The following GTF2A1 variants were observed in gnomAD, a reference collection of about 807,000 sequenced individuals.
The protein encoded by GTF2A1 is general transcription factor IIA subunit 1, also known as transcription initiation factor IIA subunit 1.
A neutral mutation model predicts 54.1 loss-of-function variants in GTF2A1; 12 were observed. That is an observed-to-expected ratio of 0.22 (90% CI 0.14 to 0.36). The LOEUF (loss-of-function observed/expected upper bound fraction) is 0.36, where lower values mean the gene tolerates loss of function less well. Among genes scored for constraint, GTF2A1 ranks in the 10% least tolerant of loss-of-function variants. GTF2A1 has a pLI of 1.00. For synonymous variants in GTF2A1, 145 were observed against 152.0 expected, an observed-to-expected ratio of 0.95 and a Z score of 0.34; for missense variants, 335 against 442.2, an observed-to-expected ratio of 0.76 and a Z score of 2.17.
chr14:81,180,313 GT>G lies in GTF2A1; in HGVS notation c.1040del (p.Asn347ThrfsTer12). ...CATCCTTGAGATGAAATTTCCATTT[GT>G]TTTTACTTCTGTGTATCTAAACAAA... ...CQYDKIHRSK[N>X]KWKFHLKDGI... On this transcript the variant is annotated frameshift_variant, in exon 9 of 9. Coordinates refer to ENST00000553612, the MANE Select transcript of GTF2A1 (RefSeq NM_015859.4). LOFTEE classifies it high-confidence loss of function. 2 of 1,394,972 alleles carry G rather than the reference GT, an allele frequency of 1.4e-6. No individual in the cohort carries two copies. Among genetic ancestry groups the G allele is most frequent in the Non-Finnish European group, 2.0e-6 (2 of 988,608 alleles). The allele number at this position is 1,394,972 out of a possible 1,614,324, so 86.4% of individuals were successfully genotyped here.
intron 3 of GTF2A1, 38 bp from the exon 4 acceptor site, chr14:81,201,696 T>G: frequency 7.1e-7 from 1 of 1,409,714 alleles, no homozygotes; most frequent in Non-Finnish European, 1.0e-6. Flanking sequence ...CAAGGAACCA[T>G]GAGGCTATTT....
At chr14:81,210,708 C>A (rs990494719) in intron 2 of GTF2A1, among the ~76,000 whole-genome samples, 1 of 152,086 alleles carries the variant, frequency 6.6e-6, no homozygotes, top group African/African-American at 2.4e-5. Flanking sequence ...GCATGCACCA[C>A]CATGCCCAGC....
intron 8 of GTF2A1, among the ~76,000 whole-genome samples, chr14:81,183,664 A>G (rs1490951485): frequency 6.6e-6 from 1 of 152,240 alleles, no homozygotes; most frequent in African/African-American, 2.4e-5. Flanking sequence ...AATGTGTTAA[A>G]GCAAGTTTAC....
At chr14:81,207,141 ACCTACCTACC>A (rs1893251776) in intron 2 of GTF2A1, among the ~76,000 whole-genome samples, 1 of 15,820 alleles carries the variant, frequency 6.3e-5, no homozygotes, top group African/African-American at 1.7e-4. Context: ...CTACCTACGT[ACCTACCTACC>A]TACCTACCTA....
At chr14:81,219,734 C>G (rs891934632) in intron 1 of GTF2A1, among the ~76,000 whole-genome samples, 2 of 152,128 alleles carry the variant, frequency 1.3e-5, no homozygotes, top group Non-Finnish European at 2.9e-5. Context: ...CCTACGTGAT[C>G]GCAAGTAACA....
At chr14:81,215,539 A>G (rs1339887610) in intron 2 of GTF2A1, among the ~76,000 whole-genome samples, 2 of 152,222 alleles carry the variant, frequency 1.3e-5, no homozygotes, top group Non-Finnish European at 2.9e-5. Flanking sequence ...ATGCAAGGAA[A>G]ACACAACTGC....
chr14:81,196,282 G>A (rs773711226), intron 5 of GTF2A1, 41 bp from the exon 6 acceptor site: 2 of 1,606,558 alleles, frequency 1.2e-6, no homozygotes, highest in South Asian at 2.2e-5. Flanking sequence ...CATTTTAGCA[G>A]TGACCATCTC....
chr14:81,219,207 G>C (rs545772756), intron 1 of GTF2A1, among the ~76,000 whole-genome samples: 2 of 152,200 alleles, frequency 1.3e-5, no homozygotes, highest in Non-Finnish European at 2.9e-5. Context: ...CCTAGCTGCT[G>C]CTGGGAACAA....
In GTF2A1 at chr14:81,176,441, G is replaced by A. The variant is rs866875691; in HGVS notation, c.*3782C>T. The A allele has an allele frequency of 3.9e-5, 6 of 152,232 alleles. No homozygotes were observed. Among genetic ancestry groups the A allele is most frequent in the Non-Finnish European group, 7.4e-5 (5 of 67,980 alleles). 9.4% of individuals were successfully genotyped at this position (152,232 alleles called of 1,614,324 possible). ...TCATAGTCCTGATGTAGACTGGACT[G>A]ATTAAGGAACCTTGACTGAAAGAGT... is the stretch of plus-strand genomic sequence containing the variant. On this transcript the variant is annotated 3_prime_UTR_variant, in exon 9 of 9. Coordinates refer to ENST00000553612, the MANE Select transcript of GTF2A1 (RefSeq NM_015859.4).
rs1336863695 is a variant in GTF2A1 at position 81,203,940 on chromosome 14, T to C, written c.297A>G (p.Gln99=). The C allele has an allele frequency of 2.5e-6, 4 of 1,614,002 alleles. No homozygotes were observed. The African/African-American group carries it at 5.3e-5, about 22-fold the overall frequency. Residue 99 remains glutamine (Q), a synonymous_variant, in exon 3 of 9, where the codon CAA becomes CAG. Coordinates refer to ENST00000553612, the MANE Select transcript of GTF2A1 (RefSeq NM_015859.4). ...QAQPQQTVPQ[Q]AQTQQVLIPA... ...GAATAAGAACCTGCTGGGTCTGCGCTTGCTGAGGTACTGTCTGCTGAGGCT... is the reference window on the plus strand; with the variant it reads ...GAATAAGAACCTGCTGGGTCTGCGCCTGCTGAGGTACTGTCTGCTGAGGCT...
At chr14:81,194,006 A>C (rs1892934138) in intron 6 of GTF2A1, among the ~76,000 whole-genome samples, 1 of 152,224 alleles carries the variant, frequency 6.6e-6, no homozygotes, top group African/African-American at 2.4e-5. Flanking sequence ...TACCAAATTC[A>C]ACTTAGGGGA....
At chr14:81,197,512 A>C (rs1406275979) in intron 4 of GTF2A1, 28 bp from the exon 5 acceptor site, 3 of 1,221,546 alleles carry the variant, frequency 2.5e-6, no homozygotes, top group Non-Finnish European at 3.6e-6. Flanking sequence ...AAAATATCAA[A>C]ACCACATACA....
In GTF2A1 at chr14:81,179,303, A is replaced by T. The variant is rs964536494; in HGVS notation, c.*920T>A. 1 of 152,222 alleles carries T rather than the reference A, an allele frequency of 6.6e-6. No individual in the cohort carries two copies. The highest frequency in any genetic ancestry group is 1.5e-5 in the Non-Finnish European group (1 of 68,044). 9.4% of individuals were successfully genotyped at this position (152,222 alleles called of 1,614,324 possible). On this transcript the variant is annotated 3_prime_UTR_variant, in exon 9 of 9. Coordinates refer to ENST00000553612, the MANE Select transcript of GTF2A1 (RefSeq NM_015859.4). ...CTGTTAACTGAATGTTTAGCTTAAA[A>T]ACTAAACACATTTATAAGCACACAC...
At chr14:81,221,276 C>T (rs1893644040), upstream of GTF2A1, 1 of 152,266 alleles carries the variant, frequency 6.6e-6, no homozygotes, top group Admixed American at 6.5e-5. Context: ...CAGTCCAAAG[C>T]TAGGTGGGAC....
chr14:81,205,101 A>T (rs1160736110), intron 2 of GTF2A1, among the ~76,000 whole-genome samples: 2 of 151,854 alleles, frequency 1.3e-5, no homozygotes, highest in Non-Finnish European at 2.9e-5. Flanking sequence ...ATACTCACAG[A>T]GAGTTTCTTT....
At chr14:81,186,294 A>T (rs998574262) in intron 7 of GTF2A1, among the ~76,000 whole-genome samples, 1 of 152,270 alleles carries the variant, frequency 6.6e-6, no homozygotes, top group Non-Finnish European at 1.5e-5. Flanking sequence ...TAAAACAGAA[A>T]ACAGTGGAGA....
chr14:81,218,286 C>T lies in GTF2A1; in HGVS notation c.31-1772G>A, dbSNP rs554816528. ...CCAGACATGTGTAGGTATAAATCTG[C>T]TTTCTTCTAGTACTCTCAACTTAAT... On this transcript the variant is annotated intron_variant, in intron 1 of 8. Transcript: ENST00000553612. Among the ~76,000 whole-genome samples, 54 of 152,234 alleles carry T rather than the reference C, an allele frequency of 3.5e-4. 1 individual carries two copies. The South Asian group carries it at 0.011, about 32-fold the overall frequency.
rs1379126239 is a variant in GTF2A1, at chr14:81,192,729, T to C, written c.723A>G (p.Ala241=). 1.9e-6 allele frequency: 3 copies of C among 1,613,882 alleles called. No homozygotes were observed. In the Admixed American group the frequency reaches 5.0e-5, roughly 27 times the overall value. ...TCTGTGCTTGGGCTGGTGTAGGTGCTGCCACTGTCGTAGGTATAACTTGAG... is the reference window on the plus strand; with the variant it reads ...TCTGTGCTTGGGCTGGTGTAGGTGCCGCCACTGTCGTAGGTATAACTTGAG... ...NKTQVIPTTV[A]APTPAQAQIT... is the part of the protein sequence containing the mutation. Residue 241 remains alanine, a synonymous_variant, in exon 7 of 9, where the codon GCA becomes GCG. Coordinates refer to ENST00000553612, the MANE Select transcript of GTF2A1 (RefSeq NM_015859.4).
At chr14:81,197,841 C>T (rs1441664139) in intron 4 of GTF2A1, among the ~76,000 whole-genome samples, 2 of 152,076 alleles carry the variant, frequency 1.3e-5, no homozygotes, top group African/African-American at 4.8e-5. Context: ...TTAGACAATA[C>T]CCACATTAAC....
Sources: gnomAD v4.1 joint callset for allele counts (sites outside exome capture counted in the v4.1 genomes callset) on GRCh38, gnomAD v4.1.1 for gene constraint, MANE v1.5 for transcripts, NCBI Gene and HGNC (gene_info 2026-07-23, HGNC 2026-07-21) for gene names.